The following DYM variants were observed in gnomAD, a reference collection of about 807,000 sequenced individuals.
The protein encoded by DYM is dymeclin, also known as dyggve-Melchior-Clausen syndrome protein.
In DYM, 78 loss-of-function variants were observed where a neutral mutation model predicts 93.1. That is an observed-to-expected ratio of 0.84 (90% CI 0.70 to 1.01). The LOEUF is 1.01. Among genes scored for constraint, DYM ranks in the 50% least tolerant of loss-of-function variants. The pLI is 0.00. For missense variants in DYM, 789 were observed against 845.0 expected, an observed-to-expected ratio of 0.93 and a Z score of 0.82; for synonymous variants, 321 against 319.7, an observed-to-expected ratio of 1.00 and a Z score of -0.04.
In DYM at chr18:49,042,277, T is replaced by G. The variant is rs990199506; in HGVS notation, c.*1778A>C. ...GAGGAGGCCTGACAGAACAAGCCCC[T>G]TGGGGACAGGAGGCAAGCTGCACTC... On this transcript the variant is annotated 3_prime_UTR_variant, in exon 18 of 18. Transcript: ENST00000675505. The G allele has an allele frequency of 1.3e-5, 2 of 152,754 alleles. No individual in the cohort carries two copies. Among genetic ancestry groups the G allele is most frequent in the African/African-American group, 2.4e-5 (1 of 41,442 alleles). 9.5% of individuals were successfully genotyped at this position (152,754 alleles called of 1,614,324 possible).
At chr18:49,191,628 T>C (rs961540616) in intron 14 of DYM, among the ~76,000 whole-genome samples, 8 of 152,206 alleles carry the variant, frequency 5.3e-5, no homozygotes, top group African/African-American at 1.9e-4. Context: ...TTCTTCTGTT[T>C]CTACAGTTTA....
At chr18:49,400,037 C>G (rs1400705706) in intron 2 of DYM, among the ~76,000 whole-genome samples, 1 of 140,480 alleles carries the variant, frequency 7.1e-6, no homozygotes, top group Non-Finnish European at 1.5e-5. Flanking sequence ...GCCTCCCAGG[C>G]TCAAGCAATC....
At chr18:49,331,816 A>G (rs752633171) in intron 8 of DYM, 48 bp downstream of exon 8, 1 of 1,609,680 alleles carries the variant, frequency 6.2e-7, no homozygotes, top group Non-Finnish European at 8.5e-7. Context: ...GCCTAAATAG[A>G]TAAAATTTAT....
At chr18:49,109,573 C>T (rs988011609) in intron 16 of DYM, among the ~76,000 whole-genome samples, 2 of 152,158 alleles carry the variant, frequency 1.3e-5, no homozygotes, top group African/African-American at 4.8e-5. Context: ...AGAGATATTT[C>T]TGGGTCAGAG....
Position 49,062,879 on chromosome 18 carries a change from A to G in DYM, c.2026-18675T>C, listed in dbSNP as rs2038128689. 3.3e-5 allele frequency among the ~76,000 whole-genome samples: 5 copies of G among 152,294 alleles called. No individual in the cohort carries two copies. In the South Asian group the frequency reaches 1.0e-3, roughly 32 times the overall value. Reference sequence around the variant, plus strand: ...TCCACCTTTGAAAATGAGGGTGGAAATGGATGTCGTGATGGGAAGGAGATT... The same window carrying G: ...TCCACCTTTGAAAATGAGGGTGGAAGTGGATGTCGTGATGGGAAGGAGATT... On this transcript the variant is annotated intron_variant, in intron 17 of 17. Coordinates refer to ENST00000675505, the MANE Select transcript of DYM (RefSeq NM_001353214.3).
intron 17 of DYM, among the ~76,000 whole-genome samples, chr18:49,053,590 A>G (rs1025137113): frequency 2.6e-5 from 4 of 152,206 alleles, no homozygotes; most frequent in African/African-American, 9.6e-5. Flanking sequence ...GTTAGTGACT[A>G]CAGACAGCAC....
At chr18:49,094,351 A>T (rs1193844237) in intron 17 of DYM, among the ~76,000 whole-genome samples, 1 of 152,160 alleles carries the variant, frequency 6.6e-6, no homozygotes, top group African/African-American at 2.4e-5. Flanking sequence ...AGACAGTGAG[A>T]GCTTTGAGCT....
At position 49,272,048 on chromosome 18, in the gene DYM, A is replaced by G. The variant is rs966362095; in HGVS notation, c.1251+130T>C. ...AGCACCGCTTCATAAATCTGAAGAA[A>G]GACATAACATTTCTAATACAGGTTC... On this transcript the variant is annotated intron_variant, in intron 11 of 17. Coordinates refer to ENST00000675505, the MANE Select transcript of DYM (RefSeq NM_001353214.3). The G allele has an allele frequency of 1.2e-5, 9 of 751,378 alleles. No individual in the cohort carries two copies. In the African/African-American group the frequency reaches 1.6e-4, roughly 13 times the overall value. 46.5% of individuals were successfully genotyped at this position (751,378 alleles called of 1,614,324 possible).
chr18:49,207,195 T>A (rs1303074847), intron 14 of DYM, among the ~76,000 whole-genome samples: 1 of 152,152 alleles, frequency 6.6e-6, no homozygotes, highest in Non-Finnish European at 1.5e-5. Flanking sequence ...CTGGCACACA[T>A]GACGAATGCT....
At chr18:49,095,013 C>T (rs1391080421) in intron 17 of DYM, among the ~76,000 whole-genome samples, 1 of 152,098 alleles carries the variant, frequency 6.6e-6, no homozygotes, top group Non-Finnish European at 1.5e-5. Flanking sequence ...TCATAGAGGG[C>T]TTATTAAGAC....
intron 17 of DYM, among the ~76,000 whole-genome samples, chr18:49,065,250 C>G (rs1246675963): frequency 6.6e-6 from 1 of 152,158 alleles, no homozygotes; most frequent in South Asian, 2.1e-4. Flanking sequence ...TTTTCCCATT[C>G]CTATTTGCTT....
chr18:49,203,662 G>C (rs557581972), intron 14 of DYM, among the ~76,000 whole-genome samples: 7 of 141,058 alleles, frequency 5.0e-5, no homozygotes, highest in East Asian at 2.0e-4. Flanking sequence ...CAGCATGCTC[G>C]TTAAGAGTCA....
At chr18:49,048,829 AC>A (rs565680391) in intron 17 of DYM, among the ~76,000 whole-genome samples, 116 of 152,266 alleles carry the variant, frequency 7.6e-4, no homozygotes, top group Middle Eastern at 3.4e-3. Context: ...CCTTCCCACC[AC>A]CTGGTACAAC....
At chr18:49,430,735 C>T (rs933316716) in intron 1 of DYM, among the ~76,000 whole-genome samples, 11 of 151,890 alleles carry the variant, frequency 7.2e-5, no homozygotes, top group African/African-American at 2.7e-4. Context: ...AAATACAAAA[C>T]TTAGCTGGGC....
intron 6 of DYM, among the ~76,000 whole-genome samples, chr18:49,348,629 C>T (rs1167385734): frequency 6.6e-6 from 1 of 151,078 alleles, no homozygotes; most frequent in Admixed American, 6.6e-5. Flanking sequence ...AAAAAATGGG[C>T]CGAGTGCGGT....
At chr18:49,458,667 G>A (rs968862402) in intron 1 of DYM, among the ~76,000 whole-genome samples, 8 of 151,826 alleles carry the variant, frequency 5.3e-5, no homozygotes, top group African/African-American at 1.5e-4. Flanking sequence ...TGAGACCCCC[G>A]TCTCTACTAA....
At position 49,299,930 on chromosome 18, in the gene DYM, C is replaced by T. The variant is rs553387135; in HGVS notation, c.764-13314G>A. Among the ~76,000 whole-genome samples the T allele has an allele frequency of 2.0e-5, 3 of 151,010 alleles. No homozygotes were observed. In the East Asian group the frequency reaches 5.9e-4, roughly 29 times the overall value. ...TGGTGGCAGGCACCTGTAGTCCCAG[C>T]TACTCGGGAGGCTGAAGCAGGAGAA... is the stretch of plus-strand genomic sequence containing the variant. On this transcript the variant is annotated intron_variant, in intron 8 of 17. Coordinates refer to ENST00000675505, the MANE Select transcript of DYM (RefSeq NM_001353214.3).
intron 6 of DYM, among the ~76,000 whole-genome samples, chr18:49,348,895 G>A (rs1337374755): frequency 8.0e-6 from 1 of 124,356 alleles, no homozygotes; most frequent in East Asian, 2.6e-4. Flanking sequence ...GTAACAGAGT[G>A]AGACTCCTCA....
Position 49,401,645 on chromosome 18 carries a change from C to T in DYM, c.141-10000G>A, listed in dbSNP as rs114507144. On this transcript the variant is annotated intron_variant, in intron 2 of 17. Transcript: ENST00000675505. ...TCTCTCTCTCTCTCTCTCACACACA[C>T]GCACACACACACAAAATCTGAAACA... 3.5e-3 allele frequency among the ~76,000 whole-genome samples: 529 copies of T among 152,184 alleles called. 4 individuals are homozygous for T. Among genetic ancestry groups the T allele is most frequent in the African/African-American group, 0.012 (488 of 41,536 alleles).
Sources: gnomAD v4.1 joint callset for allele counts (sites outside exome capture counted in the v4.1 genomes callset) on GRCh38, gnomAD v4.1.1 for gene constraint, MANE v1.5 for transcripts, NCBI Gene and HGNC (gene_info 2026-07-23, HGNC 2026-07-21) for gene names.